The following CDH9 variants were observed in gnomAD, a reference collection of about 807,000 sequenced individuals.
CDH9 encodes cadherin 9, also known as cadherin-9.
In CDH9, 28 loss-of-function variants were observed where a neutral mutation model predicts 70.9. That is an observed-to-expected ratio of 0.40 (90% CI 0.29 to 0.54). The LOEUF (loss-of-function observed/expected upper bound fraction) is 0.54, where lower values mean the gene tolerates loss of function less well. CDH9 is among the 20% of genes least tolerant of loss of function. The pLI, the probability that CDH9 is intolerant of heterozygous loss-of-function variation, is 0.59. For synonymous variants in CDH9, 409 were observed against 343.1 expected (o/e 1.19, Z -2.12); for missense variants, 874 against 984.4 (o/e 0.89, Z 1.50).
At chr5:27,017,507 C>A (rs759397997) in intron 1 of CDH9, among the ~76,000 whole-genome samples, 22 of 151,894 alleles carry the variant, frequency 1.4e-4, no homozygotes, top group Non-Finnish European at 2.5e-4. Context: ...TTTCTCCTGC[C>A]CCACATTTAA....
At chr5:27,019,176 A>G (rs1743094950) in intron 1 of CDH9, among the ~76,000 whole-genome samples, 1 of 151,936 alleles carries the variant, frequency 6.6e-6, no homozygotes, top group African/African-American at 2.4e-5. Context: ...ACTAGAATGA[A>G]GTATTTGGGT....
intron 2 of CDH9, among the ~76,000 whole-genome samples, chr5:26,969,127 C>T (rs1362050601): frequency 1.3e-5 from 2 of 152,124 alleles, no homozygotes; most frequent in South Asian, 2.1e-4. Context: ...TCTTTTCAAA[C>T]AATCTTCAAT....
intron 3 of CDH9, among the ~76,000 whole-genome samples, chr5:26,907,853 A>G (rs1740977212): frequency 6.6e-6 from 1 of 152,122 alleles, no homozygotes; most frequent in Admixed American, 6.6e-5. Context: ...AGATTTTGAA[A>G]ATAGGAGGAA....
intron 1 of CDH9, among the ~76,000 whole-genome samples, chr5:26,997,446 A>G (rs1250278799): frequency 6.6e-6 from 1 of 152,198 alleles, no homozygotes; most frequent in Non-Finnish European, 1.5e-5. Context: ...ATACTATTAT[A>G]TCTATTGAAC....
intron 1 of CDH9, among the ~76,000 whole-genome samples, chr5:27,010,795 C>T (rs977138553): frequency 6.6e-6 from 1 of 152,090 alleles, no homozygotes; most frequent in Non-Finnish European, 1.5e-5. Flanking sequence ...ATATGTGCAC[C>T]AGTTGCAGTG....
chr5:26,934,224 A>C (rs1252114284), intron 2 of CDH9, among the ~76,000 whole-genome samples: 1 of 152,086 alleles, frequency 6.6e-6, no homozygotes, highest in African/African-American at 2.4e-5. Flanking sequence ...CCAACATTTT[A>C]GGAGGCTGAG....
intron 7 of CDH9, among the ~76,000 whole-genome samples, chr5:26,895,606 T>G (rs2111979142): frequency 6.6e-6 from 1 of 152,188 alleles, no homozygotes; most frequent in Non-Finnish European, 1.5e-5. Context: ...ATTTCAGATC[T>G]TGTAAAGCTA....
chr5:27,034,743 TGCTTTTGTTCAG>T, intron 1 of CDH9, among the ~76,000 whole-genome samples: 1 of 151,568 alleles, frequency 6.6e-6, no homozygotes, highest in Non-Finnish European at 1.5e-5. Flanking sequence ...CCAGAGACCC[TGCTTTTGTTCAG>T]GCACTTTGCA....
At chr5:26,981,417 T>C (rs62344067) in intron 2 of CDH9, among the ~76,000 whole-genome samples, 71,944 of 151,848 alleles carry the variant, frequency 0.47, 17,866 homozygotes, top group African/African-American at 0.52. Flanking sequence ...TAGGGAGTAA[T>C]GACAAGAAAA....
At chr5:27,035,332 A>G (rs1170533097) in intron 1 of CDH9, among the ~76,000 whole-genome samples, 3 of 151,520 alleles carry the variant, frequency 2.0e-5, no homozygotes, top group African/African-American at 7.3e-5. Context: ...AGATAATGTC[A>G]TGGGTATTGA....
intron 2 of CDH9, among the ~76,000 whole-genome samples, chr5:26,924,359 A>G (rs1179668881): frequency 6.6e-6 from 1 of 151,836 alleles, no homozygotes; most frequent in East Asian, 1.9e-4. Flanking sequence ...GAAATCCAAA[A>G]CCTAAACAGA....
rs773750277 is a variant in CDH9 at position 26,881,381 on chromosome 5, T to C, written c.2125A>G (p.Asn709Asp). ...QIRRTVPLWENIDVQDFIHRR... is the reference protein window; with the variant it reads ...QIRRTVPLWEDIDVQDFIHRR... Reference sequence around the variant, plus strand: ...TGGATAAAATCTTGTACATCAATATTTTCCCACAGAGGCACAGTCCTCCTT... The same window carrying C: ...TGGATAAAATCTTGTACATCAATATCTTCCCACAGAGGCACAGTCCTCCTT... Residue 709 changes from asparagine to aspartate, a missense_variant, in exon 12 of 12, where the codon AAT becomes GAT. Transcript: ENST00000231021. 5 of 1,613,728 alleles carry C rather than the reference T, an allele frequency of 3.1e-6. No homozygotes were observed. In the South Asian group the frequency reaches 4.4e-5, roughly 14 times the overall value.
At chr5:26,909,321 A>G (rs1202001136) in intron 3 of CDH9, among the ~76,000 whole-genome samples, 1 of 152,166 alleles carries the variant, frequency 6.6e-6, no homozygotes, top group Admixed American at 6.5e-5. Context: ...TTATAGAGAC[A>G]AAATAAAAGA....
At chr5:27,028,898 T>C (rs1356199402) in intron 1 of CDH9, among the ~76,000 whole-genome samples, 3 of 152,024 alleles carry the variant, frequency 2.0e-5, no homozygotes, top group Non-Finnish European at 4.4e-5. Context: ...GATCCTTACT[T>C]GACAAAATTA....
chr5:26,883,908 ATAT>A (rs1215418395), intron 11 of CDH9, among the ~76,000 whole-genome samples: 2 of 152,222 alleles, frequency 1.3e-5, no homozygotes, highest in Non-Finnish European at 1.5e-5. Flanking sequence ...TACATTTAAA[ATAT>A]TATTGTCAGT....
intron 2 of CDH9, among the ~76,000 whole-genome samples, chr5:26,962,492 T>A (rs762363858): frequency 1.3e-5 from 2 of 152,208 alleles, no homozygotes; most frequent in Non-Finnish European, 2.9e-5. Context: ...TGATGTTTCC[T>A]GACTTTTTAA....
chr5:27,014,252 T>C (rs186695452), intron 1 of CDH9, among the ~76,000 whole-genome samples: 1 of 152,086 alleles, frequency 6.6e-6, no homozygotes, highest in East Asian at 1.9e-4. Context: ...GATCAAGCTT[T>C]TTGAAGCACT....
At chr5:27,012,144 T>C (rs532379952) in intron 1 of CDH9, among the ~76,000 whole-genome samples, 177 of 152,050 alleles carry the variant, frequency 1.2e-3, no homozygotes, top group African/African-American at 4.1e-3. Context: ...TGGTACATTT[T>C]CAGCATACAA....
At chr5:26,975,907 G>A (rs748647422) in intron 2 of CDH9, among the ~76,000 whole-genome samples, 5 of 152,246 alleles carry the variant, frequency 3.3e-5, no homozygotes, top group African/African-American at 1.2e-4. Context: ...CGAGGTTAGC[G>A]TTTAAGCCTG....
Sources: allele counts gnomAD v4.1 joint callset (sites outside exome capture counted in the v4.1 genomes callset), GRCh38; gene constraint gnomAD v4.1.1; transcripts MANE v1.5; gene names NCBI Gene and HGNC (gene_info 2026-07-23, HGNC 2026-07-21).